Variants in CPNE4 observed in about 807,000 individuals in gnomAD.
CPNE4 encodes copine-4.
CPNE4 carries 25 observed loss-of-function variants against 67.9 expected under a neutral mutation model. The observed-to-expected ratio is 0.37, with a 90% CI of 0.27 to 0.51. The LOEUF (loss-of-function observed/expected upper bound fraction) is 0.51. CPNE4 is among the 20% of genes least tolerant of loss of function. The pLI, the probability that CPNE4 is intolerant of heterozygous loss-of-function variation, is 0.93. For synonymous variants in CPNE4, 242 were observed against 244.9 expected, an observed-to-expected ratio of 0.99 and a Z score of 0.11; for missense variants, 464 against 690.8, an observed-to-expected ratio of 0.67 and a Z score of 3.68.
intron 2 of CPNE4, among the ~76,000 whole-genome samples, chr3:131,820,627 T>C (rs2107967883): frequency 6.6e-6 from 1 of 152,370 alleles, no homozygotes; most frequent in African/African-American, 2.4e-5. Flanking sequence ...CTCTTTCTAA[T>C]AGAAGTTCTG....
chr3:131,650,938 T>C (rs933349602), intron 7 of CPNE4, among the ~76,000 whole-genome samples: 4 of 152,118 alleles, frequency 2.6e-5, no homozygotes, highest in African/African-American at 9.7e-5. Flanking sequence ...CCACTTTCTC[T>C]TCCCACCTTT....
chr3:131,542,679 C>G lies in CPNE4; in HGVS notation c.1417G>C (p.Gly473Arg). ...LPMSVIIVGV[G>R]NADFSDMQML... ...TGCATGTCACTGAAGTCAGCGTTCC[C>G]TACTCCCACGATGATGACTGACATG... The change falls in exon 15 of 16, where the codon GGG becomes CGG. Residue 473 changes from glycine (G) to arginine (R), a missense_variant. Gly to Arg is a moderately radical substitution (Grantham distance 125). Around this residue, in one of 6 missense-constraint regions of CPNE4, gnomAD observed 201 missense variants for 357.7 expected, o/e 0.56. Transcript: ENST00000429747. The G allele has an allele frequency of 6.2e-7, 1 of 1,614,006 alleles. No homozygotes were observed. Among genetic ancestry groups the G allele is most frequent in the African/African-American group, 1.3e-5 (1 of 75,014 alleles).
At position 131,891,783 on chromosome 3, in the gene CPNE4, A is replaced by G. The variant is rs371844999; in HGVS notation, c.180+13481T>C. Among the ~76,000 whole-genome samples the G allele has an allele frequency of 2.5e-4, 38 of 152,222 alleles. No individual in the cohort carries two copies. In the South Asian group the frequency reaches 7.1e-3, roughly 28 times the overall value. ...TCTTTTTATGGCTGCATCGTATTTCATAGTGTATATGTACCACATTTTCTT... is the reference window on the plus strand; with the variant it reads ...TCTTTTTATGGCTGCATCGTATTTCGTAGTGTATATGTACCACATTTTCTT... On this transcript the variant is annotated intron_variant, in intron 2 of 15. Transcript: ENST00000429747.
intron 2 of CPNE4, among the ~76,000 whole-genome samples, chr3:131,738,155 G>A (rs1206623653): frequency 1.3e-5 from 2 of 152,208 alleles, no homozygotes; most frequent in Admixed American, 1.3e-4. Context: ...GTGTTTATTG[G>A]CCACACTCTG....
chr3:131,567,197 G>C (rs1461139228), intron 10 of CPNE4, among the ~76,000 whole-genome samples: 1 of 151,918 alleles, frequency 6.6e-6, no homozygotes, highest in African/African-American at 2.4e-5. Context: ...CAATGCAATC[G>C]GGTTATATAG....
intron 14 of CPNE4, among the ~76,000 whole-genome samples, chr3:131,543,747 G>T (rs1003611723): frequency 1.6e-4 from 25 of 152,248 alleles, no homozygotes; most frequent in African/African-American, 6.0e-4. Flanking sequence ...ATTTCCACTG[G>T]ATGGCACTAG....
Position 131,951,988 on chromosome 3 carries a change from G to A in CPNE4, c.-1-46544C>T, listed in dbSNP as rs555858059. Among the ~76,000 whole-genome samples, 14 of 152,046 alleles carry A rather than the reference G, an allele frequency of 9.2e-5. No individual in the cohort carries two copies. In the East Asian group the frequency reaches 1.4e-3, roughly 15 times the overall value. The stretch of plus-strand genomic sequence containing the variant: ...GCAGCCTCTGCCCAGCCGCCACCCC[G>A]TCTGGGAAGTGAGGAGCGTCTCTGC... On this transcript the variant is annotated intron_variant, in intron 1 of 15. Transcript: ENST00000429747.
chr3:131,984,699 C>T (rs2072999965), intron 1 of CPNE4, among the ~76,000 whole-genome samples: 1 of 152,178 alleles, frequency 6.6e-6, no homozygotes, highest in African/African-American at 2.4e-5. Context: ...TCACTGGATC[C>T]TTCTCTGCTC....
intron 3 of CPNE4, among the ~76,000 whole-genome samples, chr3:131,709,594 T>C (rs1012619183): frequency 6.6e-6 from 1 of 152,226 alleles, no homozygotes; most frequent in Non-Finnish European, 1.5e-5. Flanking sequence ...TGTTTAGTAG[T>C]TGAGGTGGGG....
At chr3:131,783,413 A>G (rs899719518) in intron 2 of CPNE4, among the ~76,000 whole-genome samples, 1 of 152,076 alleles carries the variant, frequency 6.6e-6, no homozygotes. Context: ...AAGCAGTTGT[A>G]ACACTTGGGT....
At chr3:131,994,726 T>C (rs1225835289) in intron 1 of CPNE4, among the ~76,000 whole-genome samples, 2 of 152,208 alleles carry the variant, frequency 1.3e-5, no homozygotes, top group Admixed American at 6.5e-5. Flanking sequence ...CCAAAGGACG[T>C]AAACTTTTAG....
At chr3:131,920,233 T>C (rs537722434) in intron 1 of CPNE4, among the ~76,000 whole-genome samples, 2 of 152,322 alleles carry the variant, frequency 1.3e-5, no homozygotes, top group African/African-American at 4.8e-5. Flanking sequence ...TTCTCGTACT[T>C]TCAAGTCCTA....
intron 1 of CPNE4, among the ~76,000 whole-genome samples, chr3:131,953,121 C>T (rs997227029): frequency 5.3e-5 from 8 of 151,916 alleles, no homozygotes; most frequent in Non-Finnish European, 1.2e-4. Context: ...CCGCAGGGTC[C>T]TCTGCCTAGG....
intron 7 of CPNE4, among the ~76,000 whole-genome samples, chr3:131,589,052 C>G (rs1582852167): frequency 6.6e-6 from 1 of 152,302 alleles, no homozygotes; most frequent in African/African-American, 2.4e-5. Flanking sequence ...TCCATGCTTA[C>G]TGTATTAGTC....
At chr3:131,889,893 A>G (rs2088037893) in intron 2 of CPNE4, among the ~76,000 whole-genome samples, 2 of 152,200 alleles carry the variant, frequency 1.3e-5, no homozygotes, top group Admixed American at 1.3e-4. Flanking sequence ...GTCCATGTGC[A>G]AAAGAATGAA....
At chr3:131,945,130 C>T (rs1044017484) in intron 1 of CPNE4, among the ~76,000 whole-genome samples, 1 of 152,152 alleles carries the variant, frequency 6.6e-6, no homozygotes, top group Non-Finnish European at 1.5e-5. Context: ...ACAGTTTGCT[C>T]ATATGTGTTA....
At chr3:131,626,092 T>G (rs2079066355) in intron 7 of CPNE4, among the ~76,000 whole-genome samples, 1 of 152,198 alleles carries the variant, frequency 6.6e-6, no homozygotes. Flanking sequence ...ACCAACTGGC[T>G]ATTCTCCCAT....
rs182102905 is a variant in CPNE4, at chr3:131,838,551, A to C, written c.180+66713T>G. ...CTGAAAATCAATAGTAAAGGAAATA[A>C]CATTAAAATTTCAGATTAAAATAAT... On this transcript the variant is annotated intron_variant, in intron 2 of 15. Coordinates refer to ENST00000429747, the MANE Select transcript of CPNE4 (RefSeq NM_130808.3). 2.6e-5 allele frequency among the ~76,000 whole-genome samples: 4 copies of C among 152,008 alleles called. No individual in the cohort carries two copies. In the East Asian group the frequency reaches 7.7e-4, roughly 29 times the overall value.
At chr3:131,598,769 C>T (rs537820472) in intron 7 of CPNE4, among the ~76,000 whole-genome samples, 25 of 151,918 alleles carry the variant, frequency 1.6e-4, no homozygotes, top group Middle Eastern at 3.4e-3. Context: ...GCTAATTCTA[C>T]GATGTCCAAC....
Sources: gnomAD v4.1 joint callset for allele counts (sites outside exome capture counted in the v4.1 genomes callset) on GRCh38, gnomAD v4.1.1 for gene constraint, gnomAD v4.1.1 regional missense constraint, MANE v1.5 for transcripts, NCBI Gene and HGNC (gene_info 2026-07-23, HGNC 2026-07-21) for gene names.